The following NSG1 variants were observed in gnomAD, a reference collection of about 807,000 sequenced individuals.
NSG1 encodes neuronal vesicle trafficking associated 1.
Under a neutral mutation model 19.3 loss-of-function variants are expected in NSG1, and 9 were observed. The observed-to-expected ratio is 0.47, with a 90% CI of 0.28 to 0.81. The LOEUF (loss-of-function observed/expected upper bound fraction) is 0.81, where lower values mean the gene tolerates loss of function less well. NSG1 is among the 40% of genes least tolerant of loss of function. The probability of loss-of-function intolerance (pLI) is 0.11; values close to 1 mark genes in which losing one functional copy is unlikely to be tolerated. For missense variants in NSG1, 236 were observed against 242.4 expected (o/e 0.97, Z 0.18); for synonymous variants, 104 against 107.0 (o/e 0.97, Z 0.17).
At chr4:4,398,245 G>A (rs1460988631) in intron 3 of NSG1, among the ~76,000 whole-genome samples, 1 of 152,146 alleles carries the variant, frequency 6.6e-6, no homozygotes, top group East Asian at 1.9e-4. Context: ...GAGCCACCAC[G>A]CCCGGCTTGG....
At chr4:4,413,204 C>T (rs554218645) in intron 4 of NSG1, among the ~76,000 whole-genome samples, 138 of 152,032 alleles carry the variant, frequency 9.1e-4, no homozygotes, top group African/African-American at 3.2e-3. Context: ...GGAAGTCAGT[C>T]GTACACTGAA....
At chr4:4,407,917 T>G (rs991735335) in intron 3 of NSG1, among the ~76,000 whole-genome samples, 1 of 151,960 alleles carries the variant, frequency 6.6e-6, no homozygotes, top group African/African-American at 2.4e-5. Context: ...AGGGGGTGCA[T>G]AGGGGCCCCC....
chr4:4,397,882 TCAG>T (rs1723342706), intron 3 of NSG1, among the ~76,000 whole-genome samples: 1 of 152,252 alleles, frequency 6.6e-6, no homozygotes, highest in African/African-American at 2.4e-5. Context: ...TGGCCTCTTG[TCAG>T]CACACCCACA....
At chr4:4,389,572 C>T (rs1722898619) in intron 2 of NSG1, among the ~76,000 whole-genome samples, 1 of 152,114 alleles carries the variant, frequency 6.6e-6, no homozygotes, top group Non-Finnish European at 1.5e-5. Context: ...CTGGCAGTGC[C>T]TCTTACTCCA....
chr4:4,388,369 C>T (rs1722843017), intron 2 of NSG1, among the ~76,000 whole-genome samples: 1 of 152,220 alleles, frequency 6.6e-6, no homozygotes, highest in Non-Finnish European at 1.5e-5. Context: ...GTATTGGTGT[C>T]ACTGGGAAAA....
At chr4:4,392,199 G>C (rs1405938265) in intron 3 of NSG1, among the ~76,000 whole-genome samples, 1 of 151,556 alleles carries the variant, frequency 6.6e-6, no homozygotes, top group Non-Finnish European at 1.5e-5. Flanking sequence ...GCTGCTGAGA[G>C]CGGGAGGGTT....
chr4:4,409,643 A>T lies in NSG1; in HGVS notation c.317A>T (p.Tyr106Phe). The change falls in exon 4 of 5, where the codon TAC becomes TTC. Residue 106 changes from tyrosine (Y) to phenylalanine (F), a missense_variant. Physicochemically the swap from Tyr to Phe is conservative, Grantham distance 22. Transcript: ENST00000621129. ...CVVFLVVYKV[Y>F]KYDRACPDGF... is the part of the protein sequence containing the mutation. ...GTCTTCCTGGTTGTCTACAAGGTGT[A>T]CAAGTATGACCGCGCCTGCCCCGAT... is the stretch of plus-strand genomic sequence containing the variant. 1 of 1,614,144 alleles carries T rather than the reference A, an allele frequency of 6.2e-7. No individual in the cohort carries two copies. Among genetic ancestry groups the T allele is most frequent in the Non-Finnish European group, 8.5e-7 (1 of 1,180,012 alleles).
At position 4,388,337 on chromosome 4, in the gene NSG1, A is replaced by G. The variant is rs73084355; in HGVS notation, c.129+579A>G. Among the ~76,000 whole-genome samples the G allele has an allele frequency of 7.0e-3, 1,061 of 152,262 alleles. 12 individuals are homozygous for G. The highest frequency in any genetic ancestry group is 0.024 in the African/African-American group (1,017 of 41,532). On this transcript the variant is annotated intron_variant, in intron 2 of 4. Coordinates refer to ENST00000621129, the MANE Select transcript of NSG1 (RefSeq NM_014392.5). ...CTTTGTTCCTTTTGTGAAATCTCCA[A>G]ATAAGTGCCCGGGCTCGCTCAGTAT...
intron 4 of NSG1, among the ~76,000 whole-genome samples, chr4:4,413,928 A>C (rs893953117): frequency 2.6e-5 from 4 of 151,980 alleles, no homozygotes; most frequent in African/African-American, 9.7e-5. Flanking sequence ...GTGCAGAGCT[A>C]GTTACTGAGG....
Position 4,417,358 on chromosome 4 carries a change from G to T in NSG1, c.481G>T (p.Val161Leu), listed in dbSNP as rs771703231. ...GGCCAAGCAGAGCATCACGCGCTCCGTATCGCCCTGGATGTCAGTTCTGTC... is the reference window on the plus strand; with the variant it reads ...GGCCAAGCAGAGCATCACGCGCTCCTTATCGCCCTGGATGTCAGTTCTGTC... Reference protein sequence around the residue: ...NLAKQSITRSVSPWMSVLSEE... With the variant: ...NLAKQSITRSLSPWMSVLSEE... Residue 161 changes from valine to leucine, a missense_variant, in exon 5 of 5, where the codon GTA becomes TTA. Val to Leu is a conservative substitution (Grantham distance 32). Transcript: ENST00000621129. 4.3e-6 allele frequency: 7 copies of T among 1,614,166 alleles called. No homozygotes were observed. The highest frequency in any genetic ancestry group is 5.1e-6 in the Non-Finnish European group (6 of 1,180,032).
intron 3 of NSG1, among the ~76,000 whole-genome samples, chr4:4,406,764 G>C (rs1243987590): frequency 6.6e-6 from 1 of 152,198 alleles, no homozygotes; most frequent in African/African-American, 2.4e-5. Flanking sequence ...CCAGGTGCCA[G>C]ACTCCCGGCC....
At chr4:4,406,125 T>C (rs2108745430) in intron 3 of NSG1, among the ~76,000 whole-genome samples, 1 of 152,258 alleles carries the variant, frequency 6.6e-6, no homozygotes, top group East Asian at 1.9e-4. Flanking sequence ...CCTCCTGGGT[T>C]CAAGCGATTC....
intron 3 of NSG1, among the ~76,000 whole-genome samples, chr4:4,398,098 G>C (rs558390133): frequency 1.1e-4 from 17 of 152,182 alleles, no homozygotes; most frequent in African/African-American, 4.1e-4. Flanking sequence ...GGTATTACAG[G>C]CACCTGCCAC....
chr4:4,392,667 C>G (rs551285800), intron 3 of NSG1, among the ~76,000 whole-genome samples: 1 of 152,192 alleles, frequency 6.6e-6, no homozygotes, highest in Admixed American at 6.5e-5. Context: ...TCCTTCTTCC[C>G]GTTGCCACAC....
At chr4:4,388,699 T>C (rs978961645) in intron 2 of NSG1, among the ~76,000 whole-genome samples, 6 of 151,816 alleles carry the variant, frequency 4.0e-5, no homozygotes, top group Non-Finnish European at 7.4e-5. Flanking sequence ...CAGGGCTCTG[T>C]CTTCGTTCCA....
chr4:4,404,541 A>G lies in NSG1; in HGVS notation c.247-5032A>G, dbSNP rs144744519. On this transcript the variant is annotated intron_variant, in intron 3 of 4. Transcript: ENST00000621129. ...GCATGAATGGCTAGTTCGTCCATCA[A>G]GTATTTTCAAATTGGTTGAACGATG... 4.6e-5 allele frequency among the ~76,000 whole-genome samples: 7 copies of G among 152,356 alleles called. No homozygotes were observed. The East Asian group carries it at 1.3e-3, about 29-fold the overall frequency.
rs115730320 is a variant in NSG1 at position 4,417,749 on chromosome 4, C to G, written c.*314C>G. On this transcript the variant is annotated 3_prime_UTR_variant, in exon 5 of 5. Coordinates refer to ENST00000621129, the MANE Select transcript of NSG1 (RefSeq NM_014392.5). ...CACTGGATATGCGAAGGGTTTGGAT[C>G]TCAGATAAATGCATTTTGTGGAATT... The G allele has an allele frequency of 4.4e-3, 1,680 of 380,782 alleles. 6 individuals carry two copies. The highest frequency in any genetic ancestry group is 6.4e-3 in the Non-Finnish European group (1,314 of 204,310). 23.6% of individuals were successfully genotyped at this position (380,782 alleles called of 1,614,324 possible).
chr4:4,406,843 C>T (rs1723886847), intron 3 of NSG1, among the ~76,000 whole-genome samples: 1 of 152,240 alleles, frequency 6.6e-6, no homozygotes, highest in Admixed American at 6.5e-5. Context: ...CAGGCACCAT[C>T]AGGGCTTGCG....
At chr4:4,397,037 A>G (rs1294613868) in intron 3 of NSG1, among the ~76,000 whole-genome samples, 2 of 40,130 alleles carry the variant, frequency 5.0e-5, no homozygotes, top group Non-Finnish European at 1.0e-4. Context: ...GGGTTCAGTC[A>G]TCTGTGTGTG....
Sources: allele counts gnomAD v4.1 joint callset (sites outside exome capture counted in the v4.1 genomes callset), GRCh38; gene constraint gnomAD v4.1.1; transcripts MANE v1.5; gene names NCBI Gene and HGNC (gene_info 2026-07-23, HGNC 2026-07-21).